OSBPL8: variants seen among roughly 807,000 people sequenced by gnomAD.
OSBPL8 encodes the protein oxysterol binding protein like 8.
In OSBPL8, 59 loss-of-function variants were observed where a neutral mutation model predicts 125.5. The observed-to-expected ratio is 0.47, with a 90% CI of 0.38 to 0.58. The LOEUF (loss-of-function observed/expected upper bound fraction) is 0.58, where lower values mean the gene tolerates loss of function less well. Ranked by LOEUF, OSBPL8 falls within the 20% of genes least tolerant of loss-of-function variation. OSBPL8 has a pLI of 0.00. For synonymous variants in OSBPL8, 330 were observed against 338.9 expected (o/e 0.97, Z 0.29); for missense variants, 758 against 1,047.8 (o/e 0.72, Z 3.82).
At chr12:76,513,666 A>C (rs576335187) in intron 1 of OSBPL8, among the ~76,000 whole-genome samples, 1 of 146,396 alleles carries the variant, frequency 6.8e-6, no homozygotes, top group African/African-American at 2.5e-5. Context: ...ACCCTTTACT[A>C]GTAATGCCCT....
chr12:76,405,806 C>G (rs1170604997), intron 5 of OSBPL8, among the ~76,000 whole-genome samples: 1 of 152,120 alleles, frequency 6.6e-6, no homozygotes, highest in Non-Finnish European at 1.5e-5. Context: ...ACTTTATTGA[C>G]CACTCTCTTA....
Position 76,353,254 on chromosome 12 carries a change from A to G in OSBPL8, c.*2635T>C, listed in dbSNP as rs1241807283. ...TACTAACATGAAATACAAATAAAAT[A>G]TCTATTGCTGTAACTTAACATTTCA... On this transcript the variant is annotated 3_prime_UTR_variant, in exon 24 of 24. Transcript: ENST00000261183. 1.3e-5 allele frequency: 2 copies of G among 151,752 alleles called. No homozygotes were observed. Among genetic ancestry groups the G allele is most frequent in the East Asian group, 3.9e-4 (2 of 5,180 alleles). The allele number at this position is 151,752 out of a possible 1,614,324, so 9.4% of individuals were successfully genotyped here.
intron 18 of OSBPL8, among the ~76,000 whole-genome samples, chr12:76,372,218 C>G (rs919877590): frequency 3.3e-5 from 5 of 151,960 alleles, no homozygotes; most frequent in African/African-American, 1.2e-4. Context: ...TCTTATCTAT[C>G]TGTCTGAGAC....
chr12:76,389,650 T>C lies in OSBPL8; in HGVS notation c.1347A>G (p.Leu449=), dbSNP rs780477315. The change falls in exon 12 of 24, where the codon CTA becomes CTG. Residue 449 remains leucine (L), a synonymous_variant. Coordinates refer to ENST00000261183, the MANE Select transcript of OSBPL8 (RefSeq NM_020841.5). The stretch of plus-strand genomic sequence containing the variant: ...AGAAATAAGAATCTACTTACTCAGA[T>C]AGGAAATCTGCATGATAGTAGTAAT... ...LSDYYYHADF[L]SEAALEENPY... is the part of the protein sequence containing the mutation. 8 of 1,562,916 alleles carry C rather than the reference T, an allele frequency of 5.1e-6. No individual in the cohort carries two copies. The highest frequency in any genetic ancestry group is 3.6e-5 in the South Asian group (3 of 83,256).
chr12:76,432,963 A>C (rs78477583), intron 4 of OSBPL8, among the ~76,000 whole-genome samples: 54 of 152,320 alleles, frequency 3.5e-4, no homozygotes, highest in Middle Eastern at 3.4e-3. Context: ...AATCAATGGG[A>C]TGAAAGATAA....
intron 15 of OSBPL8, among the ~76,000 whole-genome samples, chr12:76,378,776 T>TC (rs1167915730): frequency 1.3e-5 from 2 of 150,108 alleles, no homozygotes; most frequent in East Asian, 3.9e-4. Flanking sequence ...GTTATGTGCT[T>TC]TTTTTTTTGA....
intron 1 of OSBPL8, among the ~76,000 whole-genome samples, chr12:76,492,937 T>C (rs1000643464): frequency 7.5e-6 from 1 of 134,132 alleles, no homozygotes; most frequent in Admixed American, 7.0e-5. Context: ...TATATAGATA[T>C]TTTTTTTTTG....
At chr12:76,532,727 A>AG (rs1307133901) in intron 1 of OSBPL8, among the ~76,000 whole-genome samples, 1 of 150,640 alleles carries the variant, frequency 6.6e-6, no homozygotes. Context: ...AAAAAAAAAA[A>AG]GAGCCAGACC....
intron 4 of OSBPL8, among the ~76,000 whole-genome samples, chr12:76,428,227 T>C (rs1182739224): frequency 6.6e-6 from 1 of 151,940 alleles, no homozygotes; most frequent in African/African-American, 2.4e-5. Context: ...CAGAGGCAAA[T>C]ACCATAAAAG....
At chr12:76,437,966 T>A (rs1871680338) in intron 4 of OSBPL8, among the ~76,000 whole-genome samples, 1 of 152,088 alleles carries the variant, frequency 6.6e-6, no homozygotes, top group Non-Finnish European at 1.5e-5. Context: ...TAACATAAAT[T>A]AAGTAAAACT....
In OSBPL8 at chr12:76,547,151, G is replaced by A. The variant is rs75369172; in HGVS notation, c.-68+12246C>T. Among the ~76,000 whole-genome samples, 248 of 152,244 alleles carry A rather than the reference G, an allele frequency of 1.6e-3. 10 individuals are homozygous for A. The East Asian group carries it at 0.043, about 26-fold the overall frequency. ...CATTCCAATAGTCAAAACCATAGCT[G>A]TAGAAGAAAGAACTTCAAAATCTTA... is the stretch of plus-strand genomic sequence containing the variant. On this transcript the variant is annotated intron_variant, in intron 1 of 23. Coordinates refer to ENST00000261183, the MANE Select transcript of OSBPL8 (RefSeq NM_020841.5).
intron 1 of OSBPL8, among the ~76,000 whole-genome samples, chr12:76,489,167 T>C (rs1878458377): frequency 6.6e-6 from 1 of 152,108 alleles, no homozygotes; most frequent in African/African-American, 2.4e-5. Flanking sequence ...TTCATGAGGT[T>C]TAAGGAAAGA....
chr12:76,493,201 G>C (rs1351538245), intron 1 of OSBPL8, among the ~76,000 whole-genome samples: 1 of 152,162 alleles, frequency 6.6e-6, no homozygotes, highest in African/African-American at 2.4e-5. Flanking sequence ...ATTGTTGAGA[G>C]GACCCCAATA....
chr12:76,529,912 T>G (rs188354294), intron 1 of OSBPL8, among the ~76,000 whole-genome samples: 2 of 152,204 alleles, frequency 1.3e-5, no homozygotes, highest in African/African-American at 4.8e-5. Context: ...AAGCAAGTAA[T>G]TTTTCACTAT....
chr12:76,540,590 A>C (rs1246995650), intron 1 of OSBPL8, among the ~76,000 whole-genome samples: 1 of 151,872 alleles, frequency 6.6e-6, no homozygotes, highest in Non-Finnish European at 1.5e-5. Flanking sequence ...TTTCAGACAT[A>C]AAGTGGTGGC....
At chr12:76,476,322 C>T (rs561536358) in intron 2 of OSBPL8, among the ~76,000 whole-genome samples, 1 of 152,066 alleles carries the variant, frequency 6.6e-6, no homozygotes, top group African/African-American at 2.4e-5. Flanking sequence ...AGCCCAAGTG[C>T]TGTGAAAGAC....
intron 1 of OSBPL8, among the ~76,000 whole-genome samples, chr12:76,551,002 A>C (rs1243904954): frequency 6.6e-6 from 1 of 152,066 alleles, no homozygotes; most frequent in Non-Finnish European, 1.5e-5. Context: ...TGAGCTCAGG[A>C]ATTCTGCACT....
At chr12:76,534,404 G>A (rs1454543581) in intron 1 of OSBPL8, 1 of 152,134 alleles carries the variant, frequency 6.6e-6, no homozygotes, top group African/African-American at 2.4e-5. Context: ...ACACACTTTT[G>A]TTGCTGCAAC....
At chr12:76,423,612 T>G (rs1869780274) in intron 4 of OSBPL8, among the ~76,000 whole-genome samples, 1 of 152,214 alleles carries the variant, frequency 6.6e-6, no homozygotes, top group South Asian at 2.1e-4. Context: ...CGTCATTAAA[T>G]CTAACAGGTA....
Sources: gnomAD v4.1 joint callset for allele counts (sites outside exome capture counted in the v4.1 genomes callset) on GRCh38, gnomAD v4.1.1 for gene constraint, MANE v1.5 for transcripts, NCBI Gene and HGNC (gene_info 2026-07-23, HGNC 2026-07-21) for gene names.